The following TMPRSS11E variants were observed in gnomAD, a reference collection of about 807,000 sequenced individuals.
TMPRSS11E encodes the protein transmembrane protease serine 11E.
Under a neutral mutation model 48.1 loss-of-function variants are expected in TMPRSS11E, and 38 were observed. The ratio of observed to expected loss-of-function variants is 0.79; its 90% CI spans 0.61 to 1.04. The LOEUF (loss-of-function observed/expected upper bound fraction) is 1.04, where lower values mean the gene tolerates loss of function less well. Ranked by LOEUF, TMPRSS11E falls within the 50% of genes least tolerant of loss-of-function variation. TMPRSS11E has a pLI of 0.00. For missense variants in TMPRSS11E, 530 were observed against 510.8 expected, an observed-to-expected ratio of 1.04 and a Z score of -0.36; for synonymous variants, 158 against 171.9, an observed-to-expected ratio of 0.92 and a Z score of 0.63.
Position 68,474,672 on chromosome 4 carries a change from ATAGTGTAACTCTGATGTGCTGACCC to A in TMPRSS11E, c.491-48_491-24del, listed in dbSNP as rs780263325. On this transcript the variant is annotated intron_variant, in intron 5 of 9. Coordinates refer to ENST00000305363, the MANE Select transcript of TMPRSS11E (RefSeq NM_014058.4). ...TTTAGTATTTGAAATACTCGGAGGC[ATAGTGTAACTCTGATGTGCTGACCC>A]TATTTGCCATTTCTGTGTGTTTCAG... The A allele has an allele frequency of 7.1e-5, 110 of 1,553,518 alleles. 1 individual carries two copies. The highest frequency in any genetic ancestry group is 7.0e-6 in the Non-Finnish European group (8 of 1,137,358).
chr4:68,473,718 C>T (rs1389801132), intron 5 of TMPRSS11E, among the ~76,000 whole-genome samples: 1 of 152,064 alleles, frequency 6.6e-6, no homozygotes, highest in Non-Finnish European at 1.5e-5. Context: ...ATGAAGCCAG[C>T]CTTGTCAGTG....
rs1001242550 is a variant in TMPRSS11E, at chr4:68,496,896, A to C, written c.*92A>C. The stretch of plus-strand genomic sequence containing the variant: ...AGATACAGAATTGGAGAAGACTTGC[A>C]AAACAGCTAGATTTGACTGATCTCA... On this transcript the variant is annotated 3_prime_UTR_variant, in exon 10 of 10. Coordinates refer to ENST00000305363, the MANE Select transcript of TMPRSS11E (RefSeq NM_014058.4). 5.5e-6 allele frequency: 7 copies of C among 1,269,858 alleles called. 1 individual carries two copies. The highest frequency in any genetic ancestry group is 2.0e-4 in the Middle Eastern group (1 of 5,016). The allele number at this position is 1,269,858 out of a possible 1,614,324, so 78.7% of individuals were successfully genotyped here.
chr4:68,493,991 T>A (rs955012622), intron 9 of TMPRSS11E, among the ~76,000 whole-genome samples: 27 of 152,318 alleles, frequency 1.8e-4, no homozygotes, highest in African/African-American at 6.3e-4. Context: ...ATTCTGAAAT[T>A]TGCTGATTTC....
intron 1 of TMPRSS11E, among the ~76,000 whole-genome samples, chr4:68,457,057 G>A (rs1728652076): frequency 6.6e-6 from 1 of 152,082 alleles, no homozygotes; most frequent in Non-Finnish European, 1.5e-5. Context: ...TGACAAATGG[G>A]ATCTAATTAA....
At chr4:68,478,164 T>TTTTTTG in intron 8 of TMPRSS11E, among the ~76,000 whole-genome samples, 1 of 150,728 alleles carries the variant, frequency 6.6e-6, no homozygotes, top group South Asian at 2.1e-4. Context: ...TTTTTTTTTT[T>TTTTTTG]TGAGACAGAG....
At chr4:68,470,656 C>T (rs1448519917) in intron 4 of TMPRSS11E, among the ~76,000 whole-genome samples, 1 of 151,800 alleles carries the variant, frequency 6.6e-6, no homozygotes, top group Non-Finnish European at 1.5e-5. Flanking sequence ...TTCCCACTTC[C>T]AGTTTATGAG....
chr4:68,469,609 A>G (rs1729010061), intron 4 of TMPRSS11E, among the ~76,000 whole-genome samples: 1 of 151,908 alleles, frequency 6.6e-6, no homozygotes, highest in South Asian at 2.1e-4. Context: ...TGTCTTCTAA[A>G]AATTCTGTAC....
At chr4:68,461,742 C>G in intron 1 of TMPRSS11E, 79 bp from the exon 2 acceptor site, 4 of 1,595,366 alleles carry the variant, frequency 2.5e-6, no homozygotes, top group Non-Finnish European at 3.4e-6. Flanking sequence ...TCCTTTATTC[C>G]CCCAAAATAT....
intron 9 of TMPRSS11E, among the ~76,000 whole-genome samples, chr4:68,483,523 T>G (rs1016735130): frequency 1.3e-5 from 2 of 152,250 alleles, no homozygotes; most frequent in Non-Finnish European, 2.9e-5. Flanking sequence ...TTAAAGATTC[T>G]GGATATTAGA....
chr4:68,449,289 C>G (rs767922002), intron 1 of TMPRSS11E, among the ~76,000 whole-genome samples: 22 of 151,464 alleles, frequency 1.5e-4, no homozygotes, highest in Admixed American at 4.0e-4. Flanking sequence ...TTAAAGAAAA[C>G]TCTATCAGGC....
At chr4:68,469,990 T>C (rs1256430066) in intron 4 of TMPRSS11E, among the ~76,000 whole-genome samples, 1 of 151,980 alleles carries the variant, frequency 6.6e-6, no homozygotes, top group Non-Finnish European at 1.5e-5. Context: ...TTGCTACTGC[T>C]ACTCATTATT....
At chr4:68,478,713 TC>T (rs1729313644) in intron 8 of TMPRSS11E, 135 bp from the exon 9 acceptor site, 4 of 907,026 alleles carry the variant, frequency 4.4e-6, no homozygotes, top group Non-Finnish European at 6.7e-6. Flanking sequence ...TCTCGGCCTC[TC>T]AAAGTGCTGG....
intron 1 of TMPRSS11E, among the ~76,000 whole-genome samples, chr4:68,453,647 T>G (rs988646200): frequency 6.6e-6 from 1 of 151,990 alleles, no homozygotes. Context: ...AAGATCATTA[T>G]GTGAAAGTGG....
intron 6 of TMPRSS11E, among the ~76,000 whole-genome samples, chr4:68,475,228 G>A (rs1366384492): frequency 6.6e-6 from 1 of 152,030 alleles, no homozygotes; most frequent in East Asian, 1.9e-4. Flanking sequence ...GAAAGTGCAG[G>A]AAATTATGGG....
At chr4:68,484,013 A>G (rs1461894774) in intron 9 of TMPRSS11E, among the ~76,000 whole-genome samples, 2 of 152,002 alleles carry the variant, frequency 1.3e-5, no homozygotes, top group Non-Finnish European at 2.9e-5. Context: ...TTTTTGTACT[A>G]GCACCATGAT....
intron 1 of TMPRSS11E, among the ~76,000 whole-genome samples, chr4:68,456,787 A>G (rs1222129773): frequency 6.6e-6 from 1 of 152,166 alleles, no homozygotes; most frequent in African/African-American, 2.4e-5. Context: ...GACAAACCTG[A>G]CAAAAACAAG....
chr4:68,466,207 GTA>G (rs1263050510), intron 2 of TMPRSS11E, among the ~76,000 whole-genome samples: 2 of 152,148 alleles, frequency 1.3e-5, no homozygotes, highest in African/African-American at 4.8e-5. Context: ...CAGAATTGAT[GTA>G]TAGTTGATGG....
intron 9 of TMPRSS11E, 22 bp downstream of exon 9, chr4:68,479,013 T>C: frequency 1.9e-6 from 3 of 1,606,634 alleles, no homozygotes; most frequent in Non-Finnish European, 2.5e-6. Context: ...TGCCCATTAG[T>C]AGGTTGTGTA....
rs759855377 is a variant in TMPRSS11E, at chr4:68,468,957, C to A, written c.326+11C>A. 1.3e-6 allele frequency: 2 copies of A among 1,596,352 alleles called. No individual in the cohort carries two copies. Among genetic ancestry groups the A allele is most frequent in the African/African-American group, 2.7e-5 (2 of 74,388 alleles). On this transcript the variant is annotated intron_variant, in intron 4 of 9. Transcript: ENST00000305363. ...GGTTATCAAGTTCAGGTATGTAAAT[C>A]TGAATTGCTGACTTCTGAATTTAAA...
Sources: allele counts gnomAD v4.1 joint callset (sites outside exome capture counted in the v4.1 genomes callset), GRCh38; gene constraint gnomAD v4.1.1; transcripts MANE v1.5; gene names NCBI Gene and HGNC (gene_info 2026-07-23, HGNC 2026-07-21).